The following TMEM132B variants were observed in gnomAD, a reference collection of about 807,000 sequenced individuals.
TMEM132B encodes transmembrane protein 132B.
A neutral mutation model predicts 90.8 loss-of-function variants in TMEM132B; 18 were observed. The ratio of observed to expected loss-of-function variants is 0.20; its 90% CI spans 0.14 to 0.29. TMEM132B has a LOEUF of 0.29. Among genes scored for constraint, TMEM132B ranks in the 10% least tolerant of loss-of-function variants. The pLI is 1.00. For synonymous variants in TMEM132B, 504 were observed against 523.3 expected (o/e 0.96, Z 0.50); for missense variants, 1,096 against 1,326.8 (o/e 0.83, Z 2.70).
In TMEM132B at chr12:125,634,638, A is replaced by G. The variant is rs114645567; in HGVS notation, c.1438-9438A>G. Among the ~76,000 whole-genome samples the G allele has an allele frequency of 6.6e-3, 1,009 of 152,268 alleles. 12 individuals are homozygous for G. The highest frequency in any genetic ancestry group is 0.023 in the African/African-American group (955 of 41,532). Reference sequence around the variant, plus strand: ...CCCAAGGATTCTTCAGCTAGTAGGTAATAAATGCTGCCAGGACTGGCTCCT... The same window carrying G: ...CCCAAGGATTCTTCAGCTAGTAGGTGATAAATGCTGCCAGGACTGGCTCCT... On this transcript the variant is annotated intron_variant, in intron 5 of 8. Transcript: ENST00000682704.
intron 1 of TMEM132B, among the ~76,000 whole-genome samples, chr12:125,326,978 G>C (rs1215673515): frequency 6.6e-6 from 1 of 151,980 alleles, no homozygotes; most frequent in African/African-American, 2.4e-5. Flanking sequence ...AACAACACAG[G>C]CACCTGCTTT....
At chr12:125,595,518 C>T (rs79818770) in intron 5 of TMEM132B, among the ~76,000 whole-genome samples, 1 of 152,294 alleles carries the variant, frequency 6.6e-6, no homozygotes, top group Non-Finnish European at 1.5e-5. Context: ...CTAAGCTCTT[C>T]ACATGTATCA....
intron 1 of TMEM132B, among the ~76,000 whole-genome samples, chr12:125,241,046 G>T (rs190522922): frequency 6.4e-4 from 98 of 152,258 alleles, no homozygotes; most frequent in African/African-American, 2.1e-3. Flanking sequence ...AACCCATTTC[G>T]TGCCACGGGT....
chr12:125,424,105 A>AT (rs1880247543), intron 3 of TMEM132B, among the ~76,000 whole-genome samples: 1 of 151,988 alleles, frequency 6.6e-6, no homozygotes, highest in South Asian at 2.1e-4. Context: ...CCCATATTTC[A>AT]TTTTTTTCCT....
intron 5 of TMEM132B, among the ~76,000 whole-genome samples, chr12:125,629,289 T>C (rs562939391): frequency 6.6e-6 from 1 of 152,262 alleles, no homozygotes; most frequent in South Asian, 2.1e-4. Flanking sequence ...AGAATATCTT[T>C]CCATTTTTTG....
chr12:125,344,921 C>T (rs1248507898), intron 1 of TMEM132B, among the ~76,000 whole-genome samples: 5 of 152,066 alleles, frequency 3.3e-5, no homozygotes, highest in African/African-American at 1.2e-4. Context: ...TAGTCCATTC[C>T]GCCGCCGCCA....
At position 125,460,517 on chromosome 12, in the gene TMEM132B, A is replaced by C. The variant is rs1881409787; in HGVS notation, c.1106+44840A>C. Among the ~76,000 whole-genome samples, 1 of 152,156 alleles carries C rather than the reference A, an allele frequency of 6.6e-6. No homozygotes were observed. The highest frequency in any genetic ancestry group is 2.1e-4 in the South Asian group (1 of 4,822). On this transcript the variant is annotated intron_variant, in intron 3 of 8. Coordinates refer to ENST00000682704, the MANE Select transcript of TMEM132B (RefSeq NM_001366854.1). The surrounding 1 kb of genome is among the most constrained non-coding windows in gnomAD (Gnocchi z 4.4). The stretch of plus-strand genomic sequence containing the variant: ...AAAAAAATAAAAAGTAAAAAATAAA[A>C]AAAAATCTACCAAGAATACATCTTA...
At chr12:125,233,603 A>G (rs2136084903) in intron 1 of TMEM132B, among the ~76,000 whole-genome samples, 1 of 152,372 alleles carries the variant, frequency 6.6e-6, no homozygotes, top group Admixed American at 6.5e-5. Context: ...GCTGCCTCAA[A>G]TAAACTTGGG....
intron 3 of TMEM132B, among the ~76,000 whole-genome samples, chr12:125,494,210 TC>T (rs1277886332): frequency 5.0e-4 from 40 of 80,294 alleles, no homozygotes; most frequent in Non-Finnish European, 5.7e-4. Context: ...AATGGATGCG[TC>T]CCCTCCTCTC....
chr12:125,307,760 A>ATAAGTATATATAC (rs1304488077), intron 1 of TMEM132B, among the ~76,000 whole-genome samples: 3 of 5,110 alleles, frequency 5.9e-4, no homozygotes, highest in African/African-American at 1.2e-3. Context: ...ATATACTTAT[A>ATAAGTATATATAC]TTGCAAGTAT....
intron 3 of TMEM132B, among the ~76,000 whole-genome samples, chr12:125,454,081 A>G (rs369105465): frequency 1.3e-5 from 2 of 152,112 alleles, no homozygotes; most frequent in East Asian, 1.9e-4. Context: ...CCGTTTTAAC[A>G]GAGATTTCTG....
intron 3 of TMEM132B, among the ~76,000 whole-genome samples, chr12:125,417,384 G>A (rs767909874): frequency 2.6e-5 from 4 of 152,164 alleles, no homozygotes; most frequent in African/African-American, 4.8e-5. Context: ...TATTATTTCC[G>A]GGCTTTGTAG....
intron 6 of TMEM132B, among the ~76,000 whole-genome samples, chr12:125,648,510 A>T (rs1373182467): frequency 1.3e-5 from 2 of 150,596 alleles, no homozygotes; most frequent in Non-Finnish European, 2.9e-5. Context: ...GAATTGCATA[A>T]AGAGTGTATA....
At chr12:125,212,967 A>T (rs915210263) in intron 1 of TMEM132B, among the ~76,000 whole-genome samples, 1 of 152,160 alleles carries the variant, frequency 6.6e-6, no homozygotes, top group Non-Finnish European at 1.5e-5. Flanking sequence ...TTTAAAGTGT[A>T]CAAGTCCGTG....
At chr12:125,420,203 G>T (rs1880130689) in intron 3 of TMEM132B, among the ~76,000 whole-genome samples, 1 of 152,260 alleles carries the variant, frequency 6.6e-6, no homozygotes, top group African/African-American at 2.4e-5. Context: ...TGGGGACTCT[G>T]TGTGGGGGCT....
In TMEM132B at chr12:125,407,183, A is replaced by G. The variant is rs138548826; in HGVS notation, c.960-8348A>G. 9.6e-4 allele frequency among the ~76,000 whole-genome samples: 146 copies of G among 152,372 alleles called. 4 individuals carry two copies. The East Asian group carries it at 0.025, about 26-fold the overall frequency. On this transcript the variant is annotated intron_variant, in intron 2 of 8. Coordinates refer to ENST00000682704, the MANE Select transcript of TMEM132B (RefSeq NM_001366854.1). This position sits in a 1 kb window ranked among gnomAD's most constrained non-coding sequence, Gnocchi z 6.7. ...CATATTGAAGCACAGATTATCTGGC[A>G]TGGCCCAAGACCTCAGGTAAACAAA...
chr12:125,625,304 T>G (rs1183451089), intron 5 of TMEM132B, among the ~76,000 whole-genome samples: 1 of 152,006 alleles, frequency 6.6e-6, no homozygotes, highest in Non-Finnish European at 1.5e-5. Context: ...AGCTAATTTT[T>G]TTATATTTTT....
At chr12:125,299,964 A>AC (rs1348384496) in intron 1 of TMEM132B, among the ~76,000 whole-genome samples, 4 of 152,116 alleles carry the variant, frequency 2.6e-5, no homozygotes. Flanking sequence ...CAGAGCAAGA[A>AC]CCCCAAGTCC....
At chr12:125,452,063 T>G (rs1702569515) in intron 3 of TMEM132B, among the ~76,000 whole-genome samples, 6 of 152,260 alleles carry the variant, frequency 3.9e-5, no homozygotes, top group Non-Finnish European at 5.9e-5. Context: ...TCGAAAGTTC[T>G]TAGCCTCTTA....
Sources: allele counts gnomAD v4.1 joint callset (sites outside exome capture counted in the v4.1 genomes callset), GRCh38; gene constraint gnomAD v4.1.1; non-coding constraint Gnocchi (gnomAD v3.1); transcripts MANE v1.5; gene names NCBI Gene and HGNC (gene_info 2026-07-23, HGNC 2026-07-21).